Variants in MYL4 observed in about 807,000 individuals in gnomAD.
The protein encoded by MYL4 is atrial myosin light chain 1.
Under a neutral mutation model 21.6 loss-of-function variants are expected in MYL4, and 16 were observed. That is an observed-to-expected ratio of 0.74 (90% CI 0.50 to 1.12). The LOEUF (loss-of-function observed/expected upper bound fraction) is 1.12, where lower values mean the gene tolerates loss of function less well. Ranked by LOEUF, MYL4 falls within the 50% of genes most tolerant of loss-of-function variation. MYL4 has a pLI of 0.00. For missense variants in MYL4, 249 were observed against 252.9 expected (o/e 0.98, Z 0.11); for synonymous variants, 82 against 95.7 (o/e 0.86, Z 0.83).
Position 47,219,946 on chromosome 17 carries a change from G to C in MYL4, c.206G>C (p.Gly69Ala). ...AFSLFDRTPTGEMKITYGQCG... is the reference protein window; with the variant it reads ...AFSLFDRTPTAEMKITYGQCG... ...TCATTGTTTGACCGGACCCCGACTG[G>C]AGAGATGAAGATCACCTACGGCCAG... Residue 69 changes from glycine (G) to alanine (A), a missense_variant, in exon 3 of 7, where the codon GGA becomes GCA. Physicochemically the swap from Gly to Ala is moderately conservative, Grantham distance 60 (BLOSUM62 0). Coordinates refer to ENST00000393450, the MANE Select transcript of MYL4 (RefSeq NM_002476.2). The C allele has an allele frequency of 6.2e-7, 1 of 1,614,216 alleles. No individual in the cohort carries two copies. Among genetic ancestry groups the C allele is most frequent in the Non-Finnish European group, 8.5e-7 (1 of 1,180,036 alleles).
intron 2 of MYL4, among the ~76,000 whole-genome samples, chr17:47,216,034 C>A (rs373135710): frequency 5.9e-5 from 9 of 151,830 alleles, no homozygotes; most frequent in African/African-American, 2.2e-4. Flanking sequence ...CCACCTTGGC[C>A]TCCCACAGTG....
chr17:47,217,717 A>G (rs949760692), intron 2 of MYL4, among the ~76,000 whole-genome samples: 1 of 152,144 alleles, frequency 6.6e-6, no homozygotes, highest in African/African-American at 2.4e-5. Context: ...ATACATTATT[A>G]TATTAATTTG....
At chr17:47,190,376 C>G in the MYL4 span, among the ~76,000 whole-genome samples, 1 of 152,176 alleles carries the variant, frequency 6.6e-6, no homozygotes, top group African/African-American at 2.4e-5. Context: ...TTCCTTTCTG[C>G]TCCCCTTCTC....
chr17:47,221,094 T>C (rs1351362614), intron 3 of MYL4, among the ~76,000 whole-genome samples: 1 of 152,252 alleles, frequency 6.6e-6, no homozygotes, highest in Admixed American at 6.5e-5. Context: ...AAAAATAGTT[T>C]GCCTCTATTA....
chr17:47,211,294 T>C (rs1463383555), intron 1 of MYL4, among the ~76,000 whole-genome samples: 1 of 152,080 alleles, frequency 6.6e-6, no homozygotes, highest in Non-Finnish European at 1.5e-5. Context: ...ATGTTTATAA[T>C]CCCAGCCCTT....
chr17:47,206,677 C>T (rs1722070926), upstream of MYL4, among the ~76,000 whole-genome samples: 1 of 152,074 alleles, frequency 6.6e-6, no homozygotes, highest in South Asian at 2.1e-4. Context: ...AGCAAGATAG[C>T]AAGATTGCTA....
the MYL4 span, among the ~76,000 whole-genome samples, chr17:47,194,851 T>G: frequency 2.0e-3 from 299 of 152,048 alleles, 2 homozygotes; most frequent in African/African-American, 7.0e-3. Context: ...AGTGATCCTC[T>G]CACCTTAGCT....
chr17:47,213,551 A>G (rs2149043537), intron 1 of MYL4, among the ~76,000 whole-genome samples: 1 of 152,254 alleles, frequency 6.6e-6, no homozygotes, highest in South Asian at 2.1e-4. Context: ...TTTTCTGAAT[A>G]TTTTCAATCC....
At chr17:47,219,468 G>A (rs7217466) in intron 2 of MYL4, among the ~76,000 whole-genome samples, 2,368 of 152,266 alleles carry the variant, frequency 0.016, 55 homozygotes, top group African/African-American at 0.054. Context: ...ACACCAGAGC[G>A]GGATGTGTGG....
chr17:47,193,912 T>G, the MYL4 span, among the ~76,000 whole-genome samples: 1 of 152,014 alleles, frequency 6.6e-6, no homozygotes, highest in East Asian at 1.9e-4. Flanking sequence ...CACGCCACCA[T>G]GCCAGGCTAA....
chr17:47,198,317 C>G (rs184461825), upstream of MYL4, among the ~76,000 whole-genome samples: 225 of 152,220 alleles, frequency 1.5e-3, no homozygotes, highest in African/African-American at 5.1e-3. Context: ...TGAGTACAGA[C>G]TTAGAACAAA....
At chr17:47,223,883 C>A (rs1339202963), downstream of MYL4, among the ~76,000 whole-genome samples, 1 of 152,072 alleles carries the variant, frequency 6.6e-6, no homozygotes, top group Non-Finnish European at 1.5e-5. Flanking sequence ...GGAGAGCAAG[C>A]TCTGGAAGGC....
chr17:47,203,797 T>C (rs1350631225), intron 1 of MYL4, among the ~76,000 whole-genome samples: 1 of 152,156 alleles, frequency 6.6e-6, no homozygotes, highest in Non-Finnish European at 1.5e-5. Flanking sequence ...AGCTTAGAGG[T>C]TGAAGGCTGG....
intron 1 of MYL4, among the ~76,000 whole-genome samples, chr17:47,210,919 T>C (rs2064769773): frequency 6.6e-6 from 1 of 152,206 alleles, no homozygotes. Context: ...GGATCCCTCC[T>C]CGCCTTTATT....
At chr17:47,204,848 C>G (rs2064721838), upstream of MYL4, among the ~76,000 whole-genome samples, 1 of 152,210 alleles carries the variant, frequency 6.6e-6, no homozygotes, top group African/African-American at 2.4e-5. Flanking sequence ...CCAGTACTCT[C>G]TATGGGGACG....
chr17:47,208,846 C>T (rs2064749719), upstream of MYL4, among the ~76,000 whole-genome samples: 1 of 152,054 alleles, frequency 6.6e-6, no homozygotes, highest in Admixed American at 6.5e-5. Context: ...GGGTGTGGGG[C>T]AGTGTGGGTT....
the MYL4 span, among the ~76,000 whole-genome samples, chr17:47,193,591 T>C: frequency 3.9e-5 from 6 of 152,132 alleles, no homozygotes; most frequent in Non-Finnish European, 7.4e-5. Context: ...TTTAATCGGT[T>C]TCCTTTGCAG....
chr17:47,221,264 G>T (rs1472443590), intron 3 of MYL4, among the ~76,000 whole-genome samples: 1 of 152,124 alleles, frequency 6.6e-6, no homozygotes. Flanking sequence ...TTTCAATCCT[G>T]TTGGTTTGCC....
intron 2 of MYL4, among the ~76,000 whole-genome samples, chr17:47,217,458 CAA>C (rs76216506): frequency 1.5e-5 from 2 of 133,548 alleles, no homozygotes; most frequent in Non-Finnish European, 1.6e-5. Flanking sequence ...ACTTTGTCTC[CAA>C]AAAAAAAAAA....
Sources: gnomAD v4.1 joint callset for allele counts (sites outside exome capture counted in the v4.1 genomes callset) on GRCh38, gnomAD v4.1.1 for gene constraint, MANE v1.5 for transcripts, NCBI Gene and HGNC (gene_info 2026-07-23, HGNC 2026-07-21) for gene names.